NRXN1: variants seen among roughly 807,000 people sequenced by gnomAD.
The protein encoded by NRXN1 is neurexin-1.
In NRXN1, 39 loss-of-function variants were observed where a neutral mutation model predicts 150.9. The ratio of observed to expected loss-of-function variants is 0.26; its 90% CI spans 0.20 to 0.34. The LOEUF (loss-of-function observed/expected upper bound fraction) is 0.34. NRXN1 is among the 10% of genes least tolerant of loss of function. NRXN1 has a pLI of 1.00. For synonymous variants in NRXN1, 924 were observed against 757.0 expected, an observed-to-expected ratio of 1.22 and a Z score of -3.62; for missense variants, 1,815 against 1,949.9, an observed-to-expected ratio of 0.93 and a Z score of 1.30.
chr2:51,001,243 G>C lies in NRXN1; in HGVS notation c.772+26259C>G, dbSNP rs908614824. ...GGTAGATTCATGGGGTTGGGGGGGGGGGGCGTTTGTCAGGGGAGGACAAGT... is the reference window on the plus strand; with the variant it reads ...GGTAGATTCATGGGGTTGGGGGGGGCGGGCGTTTGTCAGGGGAGGACAAGT... On this transcript the variant is annotated intron_variant, in intron 2 of 22. Coordinates refer to ENST00000401669, the MANE Select transcript of NRXN1 (RefSeq NM_001330078.2). Among the ~76,000 whole-genome samples the C allele has an allele frequency of 7.5e-5, 10 of 133,310 alleles. 1 individual carries two copies. Among genetic ancestry groups the C allele is most frequent in the Non-Finnish European group, 1.4e-4 (9 of 62,700 alleles). 87.5% of individuals were successfully genotyped at this position (133,310 alleles called of 152,430 possible). A position where few individuals can be genotyped will look rare whatever the true frequency, so the allele number is the denominator to read the frequency against.
intron 8 of NRXN1, among the ~76,000 whole-genome samples, chr2:50,593,238 C>G (rs1385828153): frequency 6.6e-6 from 1 of 152,176 alleles, no homozygotes; most frequent in Non-Finnish European, 1.5e-5. Context: ...TGTAAATGCA[C>G]AAGAATATGT....
At chr2:50,910,610 C>T (rs1159504810) in intron 5 of NRXN1, among the ~76,000 whole-genome samples, 1 of 151,882 alleles carries the variant, frequency 6.6e-6, no homozygotes, top group East Asian at 1.9e-4. Flanking sequence ...AATATCAAAG[C>T]CCCTGCCTTC....
chr2:49,966,029 A>C (rs963482424), intron 21 of NRXN1, among the ~76,000 whole-genome samples: 3 of 152,218 alleles, frequency 2.0e-5, no homozygotes, highest in African/African-American at 7.2e-5. Context: ...GAGAAAATCA[A>C]AGTTTCTTGA....
intron 21 of NRXN1, among the ~76,000 whole-genome samples, chr2:49,958,813 T>C (rs1675426656): frequency 6.6e-6 from 1 of 152,210 alleles, no homozygotes; most frequent in African/African-American, 2.4e-5. Flanking sequence ...CTTTTGTCTT[T>C]TGTCAGCCTT....
chr2:50,513,258 G>C (rs1355403122), intron 12 of NRXN1, among the ~76,000 whole-genome samples: 1 of 152,016 alleles, frequency 6.6e-6, no homozygotes, highest in Non-Finnish European at 1.5e-5. Context: ...CATGAGTTCT[G>C]CAAACCACCA....
chr2:50,301,006 C>T (rs1173368522), intron 17 of NRXN1, among the ~76,000 whole-genome samples: 1 of 152,000 alleles, frequency 6.6e-6, no homozygotes, highest in Admixed American at 6.6e-5. Context: ...GAGTAGCCAT[C>T]TTTGACCAAG....
chr2:50,670,406 A>AAAC (rs10623532), intron 5 of NRXN1, among the ~76,000 whole-genome samples: 86,122 of 151,282 alleles, frequency 0.57, 25,077 homozygotes, highest in East Asian at 0.83. Context: ...ATTGTAACGT[A>AAAC]AACAATATTA....
chr2:50,793,746 C>T (rs1420734621), intron 5 of NRXN1, among the ~76,000 whole-genome samples: 2 of 151,958 alleles, frequency 1.3e-5, no homozygotes, highest in African/African-American at 2.4e-5. Flanking sequence ...ACCTAAATTC[C>T]TTGGTCTTGT....
intron 5 of NRXN1, among the ~76,000 whole-genome samples, chr2:50,675,337 G>A (rs543609902): frequency 4.6e-5 from 7 of 152,172 alleles, no homozygotes; most frequent in South Asian, 4.2e-4. Flanking sequence ...TGCGTCTAAC[G>A]TGCTCCTCAA....
chr2:51,001,318 G>A (rs1265772628), intron 2 of NRXN1, among the ~76,000 whole-genome samples: 1 of 151,452 alleles, frequency 6.6e-6, no homozygotes, highest in African/African-American at 2.4e-5. Context: ...TTAAGCAAGA[G>A]TTCAAAAGCA....
chr2:50,364,930 T>C (rs780584374), intron 17 of NRXN1, among the ~76,000 whole-genome samples: 1 of 151,546 alleles, frequency 6.6e-6, no homozygotes, highest in Non-Finnish European at 1.5e-5. Context: ...CCCAAACACA[T>C]ACCCTCTCAG....
At chr2:50,239,878 A>G (rs899658609) in intron 17 of NRXN1, among the ~76,000 whole-genome samples, 1 of 150,306 alleles carries the variant, frequency 6.7e-6, no homozygotes, top group African/African-American at 2.4e-5. Context: ...TCACCTCACA[A>G]TACTTTTAAA....
At chr2:50,026,441 A>C (rs569832495) in intron 21 of NRXN1, among the ~76,000 whole-genome samples, 14 of 152,258 alleles carry the variant, frequency 9.2e-5, no homozygotes, top group Admixed American at 7.8e-4. Flanking sequence ...CAAAATAGCC[A>C]TTTCCTTCAC....
chr2:50,728,779 TTCTA>T (rs1287277192), intron 5 of NRXN1, among the ~76,000 whole-genome samples: 2 of 152,148 alleles, frequency 1.3e-5, no homozygotes, highest in Non-Finnish European at 2.9e-5. Context: ...ATAATACAAC[TTCTA>T]TCTATTAACT....
chr2:50,225,862 GAT>G (rs1401282908), intron 18 of NRXN1, among the ~76,000 whole-genome samples: 3 of 152,004 alleles, frequency 2.0e-5, no homozygotes, highest in African/African-American at 7.2e-5. Flanking sequence ...TGGCCAGTCA[GAT>G]AACTTCCTAT....
chr2:50,903,544 T>C (rs889790462), intron 5 of NRXN1, among the ~76,000 whole-genome samples: 2 of 152,164 alleles, frequency 1.3e-5, no homozygotes, highest in African/African-American at 4.8e-5. Flanking sequence ...GTGCTCTCAG[T>C]GTACCACAAT....
intron 17 of NRXN1, among the ~76,000 whole-genome samples, chr2:50,379,383 G>A (rs4971668): frequency 0.13 from 19,259 of 152,104 alleles, 1,841 homozygotes; most frequent in East Asian, 0.37. Context: ...AGACTGACAG[G>A]GAATAATAAC....
intron 21 of NRXN1, among the ~76,000 whole-genome samples, chr2:49,952,127 G>A (rs989335805): frequency 5.3e-5 from 8 of 151,880 alleles, no homozygotes; most frequent in African/African-American, 1.7e-4. Flanking sequence ...GAGATTATCC[G>A]ACTCCCAGTA....
At chr2:50,898,863 G>T (rs958074578) in intron 5 of NRXN1, among the ~76,000 whole-genome samples, 1 of 151,496 alleles carries the variant, frequency 6.6e-6, no homozygotes, top group Non-Finnish European at 1.5e-5. Flanking sequence ...TTTCTGTTCA[G>T]AATATTAAAT....
Sources: gnomAD v4.1 joint callset for allele counts (sites outside exome capture counted in the v4.1 genomes callset) on GRCh38, gnomAD v4.1.1 for gene constraint, MANE v1.5 for transcripts, NCBI Gene and HGNC (gene_info 2026-07-23, HGNC 2026-07-21) for gene names.